Variants in DMD observed in about 807,000 individuals in gnomAD.
DMD encodes the protein mutant dystrophin.
In DMD, 63 loss-of-function variants were observed where a neutral mutation model predicts 330.1. The observed-to-expected ratio is 0.19, with a 90% CI of 0.16 to 0.24. The LOEUF (loss-of-function observed/expected upper bound fraction) is 0.24. Among genes scored for constraint, DMD ranks in the 10% least tolerant of loss-of-function variants. The pLI is 1.00. For missense variants in DMD, 3,344 were observed against 2,684.1 expected (o/e 1.25, Z -5.43); for synonymous variants, 1,223 against 959.8 (o/e 1.27, Z -5.07).
chrX:33,317,818 G>A (rs1374575901), intron 1 of DMD, among the ~76,000 whole-genome samples: 1 of 111,407 alleles, frequency 9.0e-6, no homozygotes, highest in Non-Finnish European at 1.9e-5. Flanking sequence ...AGATAAATTT[G>A]ATTAAACATA....
In DMD at chrX:32,243,468, T is replaced by A. The variant is rs142132359; in HGVS notation, c.6291-26405A>T. Among the ~76,000 whole-genome samples, 723 of 111,915 alleles carry A rather than the reference T, an allele frequency of 6.5e-3. 8 individuals carry two copies. The highest frequency in any genetic ancestry group is 0.022 in the African/African-American group (671 of 30,834). On this transcript the variant is annotated intron_variant, in intron 43 of 78. Transcript: ENST00000357033. ...TGCTGGTAAATGTCTAACAATCAGA[T>A]CCCCTGAGAGGAAGGACATATTTGA...
chrX:32,106,050 A>G (rs779556416), intron 44 of DMD, among the ~76,000 whole-genome samples: 3 of 112,083 alleles, frequency 2.7e-5, no homozygotes, highest in South Asian at 7.4e-4. Context: ...AACACTTTAA[A>G]GTAAAATTGT....
intron 7 of DMD, among the ~76,000 whole-genome samples, chrX:32,709,627 T>G (rs908211408): frequency 4.5e-5 from 5 of 111,156 alleles, no homozygotes; most frequent in Non-Finnish European, 7.6e-5. Context: ...CTCTTGATCT[T>G]CATATTTGGT....
chrX:31,407,949 T>C (rs1360833734), intron 60 of DMD, among the ~76,000 whole-genome samples: 4 of 111,794 alleles, frequency 3.6e-5, no homozygotes, highest in Non-Finnish European at 7.5e-5. Flanking sequence ...AATAAAAATT[T>C]ATTAAATTAT....
intron 11 of DMD, among the ~76,000 whole-genome samples, chrX:32,642,410 C>A (rs764215539): frequency 1.8e-5 from 2 of 111,888 alleles, no homozygotes; most frequent in East Asian, 2.8e-4. Context: ...GCTCTTGAAT[C>A]TTCCCTAAGG....
chrX:32,828,070 G>A (rs1244560890), intron 4 of DMD, among the ~76,000 whole-genome samples: 1 of 111,393 alleles, frequency 9.0e-6, no homozygotes, highest in East Asian at 2.8e-4. Context: ...TCTTATTTTT[G>A]TCTGGGTTGT....
At chrX:32,240,590 G>T (rs1035657388) in intron 43 of DMD, among the ~76,000 whole-genome samples, 2 of 111,920 alleles carry the variant, frequency 1.8e-5, no homozygotes, top group African/African-American at 6.5e-5. Context: ...TTTTCGTATT[G>T]CAGGTAGGCT....
intron 43 of DMD, among the ~76,000 whole-genome samples, chrX:32,221,484 T>C (rs1473640475): frequency 8.9e-6 from 1 of 111,759 alleles, no homozygotes. Context: ...CCTCCTAAGG[T>C]TAATTGTGGG....
At chrX:31,293,218 T>TGTGTGTGGTCTGGTTTA (rs1569519901) in intron 62 of DMD, among the ~76,000 whole-genome samples, 6 of 95,912 alleles carry the variant, frequency 6.3e-5, no homozygotes, top group African/African-American at 2.6e-4. Context: ...TGTGTGTGTG[T>TGTGTGTGGTCTGGTTTA]GTGTGTGTGT....
chrX:31,620,857 C>A (rs2078492634), intron 55 of DMD, among the ~76,000 whole-genome samples: 1 of 111,759 alleles, frequency 8.9e-6, no homozygotes, highest in Non-Finnish European at 1.9e-5. Context: ...CAGTAAGTAA[C>A]ATTTTGGTGA....
intron 9 of DMD, among the ~76,000 whole-genome samples, chrX:32,680,421 T>A (rs1047173010): frequency 4.5e-5 from 5 of 111,373 alleles, no homozygotes; most frequent in Non-Finnish European, 9.4e-5. Context: ...TCACAACTGG[T>A]CCTCAGGCAC....
At chrX:32,653,465 A>T (rs1018179825) in intron 9 of DMD, among the ~76,000 whole-genome samples, 3 of 111,542 alleles carry the variant, frequency 2.7e-5, no homozygotes, top group Admixed American at 9.5e-5. Context: ...ATCAGATAGT[A>T]GTAGATATGT....
intron 30 of DMD, among the ~76,000 whole-genome samples, chrX:32,410,977 A>G (rs371473506): frequency 8.9e-6 from 1 of 111,768 alleles, no homozygotes; most frequent in African/African-American, 3.3e-5. Flanking sequence ...GAGCATGATC[A>G]TTAATAATTG....
At chrX:31,585,486 CTT>C (rs61006241) in intron 55 of DMD, among the ~76,000 whole-genome samples, 90 of 95,028 alleles carry the variant, frequency 9.5e-4, no homozygotes, top group African/African-American at 2.4e-3. Flanking sequence ...TGGCTTCTTC[CTT>C]TTTTTTTTTT....
chrX:32,964,839 C>G (rs2092076979), intron 2 of DMD, among the ~76,000 whole-genome samples: 1 of 112,425 alleles, frequency 8.9e-6, no homozygotes, highest in Non-Finnish European at 1.9e-5. Context: ...CAATGATCAT[C>G]AATGGCTGCC....
intron 67 of DMD, among the ~76,000 whole-genome samples, chrX:31,186,511 G>A (rs899844938): frequency 9.0e-6 from 1 of 111,693 alleles, no homozygotes; most frequent in Non-Finnish European, 1.9e-5. Flanking sequence ...AGGATGGAGG[G>A]TGGGAGGAGG....
Position 32,836,944 on chromosome X carries a change from G to A in DMD, c.264+7839C>T, listed in dbSNP as rs376576105. Among the ~76,000 whole-genome samples, 5 of 111,375 alleles carry A rather than the reference G, an allele frequency of 4.5e-5. 1 individual carries two copies. Among genetic ancestry groups the A allele is most frequent in the Non-Finnish European group, 7.5e-5 (4 of 53,174 alleles). On this transcript the variant is annotated intron_variant, in intron 4 of 78. Coordinates refer to ENST00000357033, the MANE Select transcript of DMD (RefSeq NM_004006.3). ...AGTTTACGACGAAGAGCAGATATCC[G>A]AAGTGACTCTCAGCGTGTCTTTCTT... is the stretch of plus-strand genomic sequence containing the variant.
intron 1 of DMD, among the ~76,000 whole-genome samples, chrX:33,232,604 AAAG>A (rs2052407286): frequency 8.9e-6 from 1 of 111,799 alleles, no homozygotes; most frequent in South Asian, 3.7e-4. Flanking sequence ...CTTAAAAGCT[AAAG>A]GAGCCAGGTG....
intron 13 of DMD, among the ~76,000 whole-genome samples, chrX:32,576,653 T>C (rs1478854367): frequency 9.4e-6 from 1 of 106,869 alleles, no homozygotes; most frequent in Admixed American, 1.0e-4. Flanking sequence ...ATTTCTGGAA[T>C]TTTTCATTTA....
Sources: allele counts gnomAD v4.1 joint callset (sites outside exome capture counted in the v4.1 genomes callset), GRCh38; gene constraint gnomAD v4.1.1; transcripts MANE v1.5; gene names NCBI Gene and HGNC (gene_info 2026-07-23, HGNC 2026-07-21).